The following MAGI3 variants were observed in gnomAD, a reference collection of about 807,000 sequenced individuals.
MAGI3 encodes membrane-associated guanylate kinase, WW and PDZ domain-containing protein 3.
In MAGI3, 43 loss-of-function variants were observed where a neutral mutation model predicts 121.8. That is an observed-to-expected ratio of 0.35 (90% CI 0.28 to 0.46). The LOEUF (loss-of-function observed/expected upper bound fraction) is 0.46, where lower values mean the gene tolerates loss of function less well. MAGI3 is among the 20% of genes least tolerant of loss of function. The pLI is 1.00. For synonymous variants in MAGI3, 553 were observed against 639.3 expected, an observed-to-expected ratio of 0.86 and a Z score of 2.04; for missense variants, 1,547 against 1,797.3, an observed-to-expected ratio of 0.86 and a Z score of 2.52.
At chr1:113,681,458 A>C in intron 20 of MAGI3, 122 bp downstream of exon 20, 1 of 1,079,082 alleles carries the variant, frequency 9.3e-7, no homozygotes, top group Non-Finnish European at 1.3e-6. Flanking sequence ...GAATGCTAGA[A>C]CCATGAAAAG....
intron 1 of MAGI3, among the ~76,000 whole-genome samples, chr1:113,418,833 A>G (rs1480327093): frequency 2.0e-5 from 3 of 152,190 alleles, no homozygotes; most frequent in African/African-American, 4.8e-5. Flanking sequence ...ATTCCAAAAT[A>G]TAATGACTAG....
At chr1:113,552,803 C>A (rs148938979) in intron 2 of MAGI3, among the ~76,000 whole-genome samples, 1 of 152,100 alleles carries the variant, frequency 6.6e-6, no homozygotes, top group Non-Finnish European at 1.5e-5. Flanking sequence ...GGAACCTAGA[C>A]GCAATGACAC....
chr1:113,464,961 T>C (rs1293474331), intron 1 of MAGI3, among the ~76,000 whole-genome samples: 1 of 152,146 alleles, frequency 6.6e-6, no homozygotes, highest in Admixed American at 6.6e-5. Flanking sequence ...CTCTTTGCTT[T>C]GTGGTTGTTT....
chr1:113,449,762 C>T (rs1654385866), intron 1 of MAGI3: 1 of 1,035,810 alleles, frequency 9.7e-7, no homozygotes, highest in South Asian at 1.3e-5. Flanking sequence ...GTGGTCTGAG[C>T]TTTGAAACTA....
At chr1:113,491,993 G>A (rs1656691738) in intron 1 of MAGI3, among the ~76,000 whole-genome samples, 1 of 152,128 alleles carries the variant, frequency 6.6e-6, no homozygotes, top group African/African-American at 2.4e-5. Flanking sequence ...AAGTTAAGGA[G>A]GAGGAACTCC....
At chr1:113,633,524 G>A (rs559928085) in intron 9 of MAGI3, among the ~76,000 whole-genome samples, 3,246 of 152,036 alleles carry the variant, frequency 0.021, 114 homozygotes, top group African/African-American at 0.074. Flanking sequence ...GCCTCCCAAA[G>A]TGCTGGGATT....
intron 9 of MAGI3, among the ~76,000 whole-genome samples, chr1:113,639,020 C>T (rs1300533407): frequency 1.3e-5 from 2 of 152,254 alleles, no homozygotes; most frequent in Non-Finnish European, 1.5e-5. Flanking sequence ...ACTCCGTGGG[C>T]GTAGGACCCT....
At chr1:113,596,055 CTAAT>C (rs1449007634) in intron 6 of MAGI3, among the ~76,000 whole-genome samples, 19 of 87,526 alleles carry the variant, frequency 2.2e-4, no homozygotes, top group African/African-American at 7.8e-4. Context: ...AATACTAATA[CTAAT>C]AATAATTGAC....
intron 1 of MAGI3, among the ~76,000 whole-genome samples, chr1:113,460,725 C>T (rs1230410242): frequency 1.3e-5 from 2 of 151,904 alleles, no homozygotes; most frequent in Non-Finnish European, 2.9e-5. Context: ...AGGAGAATGG[C>T]ATGAATCCAG....
At chr1:113,526,942 G>A (rs921332562) in intron 1 of MAGI3, among the ~76,000 whole-genome samples, 1 of 152,092 alleles carries the variant, frequency 6.6e-6, no homozygotes, top group Non-Finnish European at 1.5e-5. Flanking sequence ...GTAAATTTGG[G>A]TCAGTTATTA....
chr1:113,533,925 A>G (rs1320741251), intron 1 of MAGI3, among the ~76,000 whole-genome samples: 2 of 151,166 alleles, frequency 1.3e-5, no homozygotes, highest in African/African-American at 2.4e-5. Context: ...TTTCTTTTTA[A>G]TTTTTGAGTT....
At chr1:113,679,398 C>T (rs1414752972) in intron 19 of MAGI3, among the ~76,000 whole-genome samples, 2 of 152,158 alleles carry the variant, frequency 1.3e-5, no homozygotes, top group Non-Finnish European at 2.9e-5. Context: ...ATAATGATGG[C>T]CTCCAGCTCC....
At chr1:113,602,266 T>C (rs1041034461) in intron 6 of MAGI3, among the ~76,000 whole-genome samples, 2 of 152,076 alleles carry the variant, frequency 1.3e-5, no homozygotes, top group Admixed American at 6.6e-5. Context: ...ATGAGGTATC[T>C]TCTCAGACCA....
At chr1:113,588,629 C>T (rs1211141604) in intron 4 of MAGI3, among the ~76,000 whole-genome samples, 1 of 151,994 alleles carries the variant, frequency 6.6e-6, no homozygotes, top group Non-Finnish European at 1.5e-5. Context: ...AACTGGGATA[C>T]CAGTTAGGAG....
intron 2 of MAGI3, among the ~76,000 whole-genome samples, chr1:113,561,453 G>T (rs1194416327): frequency 2.0e-5 from 3 of 152,138 alleles, no homozygotes; most frequent in African/African-American, 7.2e-5. Flanking sequence ...ATGCAAGGCT[G>T]GTTCAACATA....
Position 113,550,729 on chromosome 1 carries a change from C to G in MAGI3, c.433+1098C>G, listed in dbSNP as rs577351060. Among the ~76,000 whole-genome samples the G allele has an allele frequency of 2.0e-5, 3 of 148,776 alleles. No individual in the cohort carries two copies. The South Asian group carries it at 6.3e-4, about 31-fold the overall frequency. ...CGAGATCATGCCGTTGCACTCCAGC[C>G]TGGGCAACAAGAGCAAGACCCTCAA... is the stretch of plus-strand genomic sequence containing the variant. On this transcript the variant is annotated intron_variant, in intron 2 of 20. Transcript: ENST00000307546.
intron 1 of MAGI3, among the ~76,000 whole-genome samples, chr1:113,495,650 A>C (rs1317524795): frequency 1.3e-5 from 2 of 152,224 alleles, no homozygotes; most frequent in Non-Finnish European, 2.9e-5. Context: ...TAAGAACTAA[A>C]CCTGCTAAAG....
In MAGI3 at chr1:113,659,257, C is replaced by A. The variant is rs1353530318; in HGVS notation, c.2807C>A (p.Ala936Asp). 6.2e-7 allele frequency: 1 copy of A among 1,613,440 alleles called. No homozygotes were observed. The highest frequency in any genetic ancestry group is 1.1e-5 in the South Asian group (1 of 90,892). The change falls in exon 16 of 21, where the codon GCT (alanine) becomes GAT (aspartate). Residue 936 changes from alanine (A) to aspartate (D), a missense_variant. Physicochemically the swap from Ala to Asp is moderately radical, Grantham distance 126. Coordinates refer to ENST00000307546, the MANE Select transcript of MAGI3 (RefSeq NM_001142782.2). Reference protein sequence around the residue: ...AGVTVTLTVIAEEEHHGPPSG... With the variant: ...AGVTVTLTVIDEEEHHGPPSG... ...GTCACCGTCACACTAACGGTCATTG[C>A]TGAAGAAGGTAAGGAGCCAGTAGAC...
intron 1 of MAGI3, among the ~76,000 whole-genome samples, chr1:113,462,771 A>G (rs944777318): frequency 6.6e-6 from 1 of 152,154 alleles, no homozygotes; most frequent in African/African-American, 2.4e-5. Context: ...GAAGGAGGGT[A>G]TAGTAGTACA....
Sources: gnomAD v4.1 joint callset for allele counts (sites outside exome capture counted in the v4.1 genomes callset) on GRCh38, gnomAD v4.1.1 for gene constraint, MANE v1.5 for transcripts, NCBI Gene and HGNC (gene_info 2026-07-23, HGNC 2026-07-21) for gene names.